Variants in PPP3CC observed in about 807,000 individuals in gnomAD.
The protein encoded by PPP3CC is protein phosphatase 3 catalytic subunit gamma.
In PPP3CC, 35 loss-of-function variants were observed where a neutral mutation model predicts 60.3. The observed-to-expected ratio is 0.58, with a 90% CI of 0.44 to 0.77. The LOEUF is 0.77. Among genes scored for constraint, PPP3CC ranks in the 30% least tolerant of loss-of-function variants. The pLI, the probability that PPP3CC is intolerant of heterozygous loss-of-function variation, is 0.00. For synonymous variants in PPP3CC, 206 were observed against 224.3 expected (o/e 0.92, Z 0.73); for missense variants, 570 against 628.9 (o/e 0.91, Z 1.00).
At chr8:22,483,038 T>A (rs1838114560) in intron 3 of PPP3CC, among the ~76,000 whole-genome samples, 1 of 152,166 alleles carries the variant, frequency 6.6e-6, no homozygotes. Context: ...CTTGCAATCA[T>A]GTACAGTGAA....
At chr8:22,533,957 G>C (rs1231153196) in intron 12 of PPP3CC, among the ~76,000 whole-genome samples, 1 of 152,166 alleles carries the variant, frequency 6.6e-6, no homozygotes, top group African/African-American at 2.4e-5. Context: ...CCAGCACTTT[G>C]GGAGGCTGAG....
At position 22,441,834 on chromosome 8, in the gene PPP3CC, A is replaced by C. The variant is rs191654936; in HGVS notation, c.49+376A>C. On this transcript the variant is annotated intron_variant, in intron 1 of 13. Coordinates refer to ENST00000240139, the MANE Select transcript of PPP3CC (RefSeq NM_005605.5). ...TCTTCCAAGTAAGATATTTAAGATT[A>C]GATCTTTCTTGACGTCCGCCCCCCA... 1.1e-4 allele frequency among the ~76,000 whole-genome samples: 17 copies of C among 152,066 alleles called. No homozygotes were observed. In the East Asian group the frequency reaches 2.7e-3, roughly 24 times the overall value.
intron 4 of PPP3CC, among the ~76,000 whole-genome samples, chr8:22,499,128 AG>A (rs1838684130): frequency 6.6e-6 from 1 of 150,446 alleles, no homozygotes; most frequent in African/African-American, 2.4e-5. Flanking sequence ...CAAAAAAAAA[AG>A]AAATAGAATT....
chr8:22,520,439 T>A (rs1839375191), intron 6 of PPP3CC, among the ~76,000 whole-genome samples: 2 of 152,188 alleles, frequency 1.3e-5, no homozygotes, highest in South Asian at 2.1e-4. Context: ...AACTCCCATA[T>A]GCCTGTATTA....
intron 1 of PPP3CC, among the ~76,000 whole-genome samples, chr8:22,470,113 T>C (rs1837677667): frequency 6.6e-6 from 1 of 151,584 alleles, no homozygotes; most frequent in Non-Finnish European, 1.5e-5. Flanking sequence ...CTCTGCTGTA[T>C]CATTTATTTA....
At chr8:22,530,854 A>AG (rs1839693971) in intron 10 of PPP3CC, among the ~76,000 whole-genome samples, 1 of 149,412 alleles carries the variant, frequency 6.7e-6, no homozygotes, top group African/African-American at 2.5e-5. Flanking sequence ...AAAAAAAAAA[A>AG]AAGGAAGAAC....
chr8:22,531,647 T>C (rs1839719460), intron 10 of PPP3CC, among the ~76,000 whole-genome samples: 1 of 152,006 alleles, frequency 6.6e-6, no homozygotes, highest in Middle Eastern at 3.2e-3. Context: ...TAAGTTAACT[T>C]TTTCTGTTGT....
chr8:22,517,323 A>G (rs1023864179), intron 6 of PPP3CC, among the ~76,000 whole-genome samples: 1 of 152,218 alleles, frequency 6.6e-6, no homozygotes, highest in African/African-American at 2.4e-5. Flanking sequence ...ACTCACCTGT[A>G]CTTTTCTTTC....
At chr8:22,473,363 C>A (rs1433464450) in intron 1 of PPP3CC, among the ~76,000 whole-genome samples, 1 of 151,984 alleles carries the variant, frequency 6.6e-6, no homozygotes, top group Admixed American at 6.6e-5. Context: ...AATGAACTTG[C>A]TAATTCTCCA....
intron 1 of PPP3CC, among the ~76,000 whole-genome samples, chr8:22,451,711 G>A (rs1453534933): frequency 6.6e-6 from 1 of 151,980 alleles, no homozygotes; most frequent in Non-Finnish European, 1.5e-5. Context: ...TGACCACGTA[G>A]GTGGCTAAGG....
intron 1 of PPP3CC, among the ~76,000 whole-genome samples, chr8:22,470,319 C>T (rs991798454): frequency 3.3e-5 from 5 of 151,914 alleles, no homozygotes; most frequent in Admixed American, 2.6e-4. Context: ...TTGAAATAGT[C>T]TAGCTATCCA....
chr8:22,535,265 A>C (rs369994116), intron 12 of PPP3CC, among the ~76,000 whole-genome samples: 2 of 152,200 alleles, frequency 1.3e-5, no homozygotes, highest in African/African-American at 2.4e-5. Context: ...CTGACTTCTT[A>C]GGAAAGGGCT....
chr8:22,469,085 A>G (rs542518102), intron 1 of PPP3CC, among the ~76,000 whole-genome samples: 1 of 152,350 alleles, frequency 6.6e-6, no homozygotes, highest in Admixed American at 6.5e-5. Flanking sequence ...ATCAGCGTTG[A>G]GTATCTATTA....
At chr8:22,524,863 G>A (rs1839497739) in intron 8 of PPP3CC, among the ~76,000 whole-genome samples, 1 of 152,150 alleles carries the variant, frequency 6.6e-6, no homozygotes, top group African/African-American at 2.4e-5. Context: ...TAACATCACA[G>A]TCCTGGCCAG....
At chr8:22,463,828 C>A (rs1390647460) in intron 1 of PPP3CC, among the ~76,000 whole-genome samples, 1 of 151,322 alleles carries the variant, frequency 6.6e-6, no homozygotes. Context: ...CTCTTGTTTC[C>A]CAGGCTGGAG....
At chr8:22,478,396 C>T (rs1837963190) in intron 3 of PPP3CC, among the ~76,000 whole-genome samples, 2 of 152,280 alleles carry the variant, frequency 1.3e-5, no homozygotes, top group Admixed American at 6.5e-5. Context: ...GTTATCCACC[C>T]ACCTTGGCCT....
chr8:22,516,883 T>G (rs1446891442), intron 6 of PPP3CC, among the ~76,000 whole-genome samples: 1 of 152,126 alleles, frequency 6.6e-6, no homozygotes, highest in African/African-American at 2.4e-5. Context: ...AAGCTTTGTT[T>G]AGGCATGAGT....
At chr8:22,516,570 A>G (rs1563768228) in intron 6 of PPP3CC, among the ~76,000 whole-genome samples, 2 of 152,218 alleles carry the variant, frequency 1.3e-5, no homozygotes, top group Admixed American at 1.3e-4. Context: ...CAGAGGTTTC[A>G]TAATCATTCA....
At chr8:22,469,478 C>A (rs370630677) in intron 1 of PPP3CC, among the ~76,000 whole-genome samples, 48 of 152,116 alleles carry the variant, frequency 3.2e-4, no homozygotes, top group African/African-American at 1.1e-3. Flanking sequence ...TGATGAACAT[C>A]CTGAAGACCC....
Sources: allele counts gnomAD v4.1 joint callset (sites outside exome capture counted in the v4.1 genomes callset), GRCh38; gene constraint gnomAD v4.1.1; transcripts MANE v1.5; gene names NCBI Gene and HGNC (gene_info 2026-07-23, HGNC 2026-07-21).